TBC1D30: variants seen among roughly 807,000 people sequenced by gnomAD.
TBC1D30 encodes TBC1 domain family, member 30.
Under a neutral mutation model 63.2 loss-of-function variants are expected in TBC1D30, and 31 were observed. The ratio of observed to expected loss-of-function variants is 0.49; its 90% confidence interval spans 0.37 to 0.66. TBC1D30 has a LOEUF of 0.66. TBC1D30 is among the 30% of genes least tolerant of loss of function. TBC1D30 has a pLI of 0.00. For synonymous variants in TBC1D30, 307 were observed against 361.5 expected (o/e 0.85, Z 1.71); for missense variants, 810 against 953.6 (o/e 0.85, Z 1.98).
At chr12:64,774,513 A>C (rs1265757748) in intron 1 of TBC1D30, among the ~76,000 whole-genome samples, 2 of 152,218 alleles carry the variant, frequency 1.3e-5, no homozygotes, top group Non-Finnish European at 2.9e-5. Context: ...GGTCAAAATG[A>C]AAGAAAAAAT....
chr12:64,787,770 T>C (rs1871680313), intron 2 of TBC1D30, among the ~76,000 whole-genome samples: 1 of 152,246 alleles, frequency 6.6e-6, no homozygotes, highest in Non-Finnish European at 1.5e-5. Context: ...GCATGGCGGC[T>C]CACGCCTATA....
rs1200943027 is a variant in TBC1D30 at position 64,866,881 on chromosome 12, G to C, written c.1269G>C (p.Gln423His). 6.5e-7 allele frequency: 1 copy of C among 1,536,094 alleles called. No individual in the cohort carries two copies. The highest frequency in any genetic ancestry group is 8.7e-7 in the Non-Finnish European group (1 of 1,146,904). The change falls in exon 10 of 12, where the codon CAG (glutamine) becomes CAC (histidine). Residue 423 changes from glutamine to histidine, a missense_variant. Transcript: ENST00000539867. Reference sequence around the variant, plus strand: ...GTGGGTTCCTGGCTCCTGAACTGCAGAAGTACCAAAAACAAATTAAAGGTA... The same window carrying C: ...GTGGGTTCCTGGCTCCTGAACTGCACAAGTACCAAAAACAAATTAAAGGTA... ...PFSGFLAPEL[Q>H]KYQKQIKEPN...
chr12:64,773,033 T>C (rs902786890), intron 1 of TBC1D30, among the ~76,000 whole-genome samples: 2 of 152,230 alleles, frequency 1.3e-5, no homozygotes, highest in Non-Finnish European at 2.9e-5. Flanking sequence ...CACTGTCTAC[T>C]GTGTATTAAT....
chr12:64,763,486 C>T (rs1870592989), intron 1 of TBC1D30, among the ~76,000 whole-genome samples: 1 of 152,082 alleles, frequency 6.6e-6, no homozygotes, highest in African/African-American at 2.4e-5. Context: ...TTCTCTTCCT[C>T]TTAATGAATT....
chr12:64,863,718 T>G (rs943647823), intron 8 of TBC1D30, among the ~76,000 whole-genome samples: 1 of 152,218 alleles, frequency 6.6e-6, no homozygotes, highest in Non-Finnish European at 1.5e-5. Flanking sequence ...TGAAGAAGCA[T>G]CACAATCAAA....
At chr12:64,768,756 A>G (rs1170861692) in intron 1 of TBC1D30, among the ~76,000 whole-genome samples, 4 of 152,240 alleles carry the variant, frequency 2.6e-5, no homozygotes, top group East Asian at 3.8e-4. Flanking sequence ...TTTTGATAAC[A>G]TTAATTTTGA....
At chr12:64,861,190 T>G (rs1408506852) in intron 8 of TBC1D30, among the ~76,000 whole-genome samples, 1 of 152,262 alleles carries the variant, frequency 6.6e-6, no homozygotes, top group Non-Finnish European at 1.5e-5. Context: ...CCTAATTTTG[T>G]GCAACTCATG....
intron 5 of TBC1D30, 109 bp downstream of exon 5, chr12:64,832,413 A>T: frequency 8.9e-7 from 1 of 1,124,136 alleles, no homozygotes; most frequent in South Asian, 1.6e-5. Context: ...TGTTTGCCAC[A>T]CCTTTGTAAT....
chr12:64,849,470 A>G (rs1592634387), intron 8 of TBC1D30, among the ~76,000 whole-genome samples: 1 of 152,240 alleles, frequency 6.6e-6, no homozygotes, highest in South Asian at 2.1e-4. Flanking sequence ...TAAGGAAGGA[A>G]TCCAGTTTGT....
chr12:64,825,157 C>T (rs1194662236), intron 1 of TBC1D30, 124 bp downstream of exon 1: 10 of 1,339,992 alleles, frequency 7.5e-6, no homozygotes, highest in South Asian at 6.3e-5. Flanking sequence ...CCACCTGGTG[C>T]GGGGCACCGC....
intron 2 of TBC1D30, among the ~76,000 whole-genome samples, chr12:64,798,980 T>G (rs1280008563): frequency 2.6e-5 from 4 of 151,788 alleles, no homozygotes; most frequent in Non-Finnish European, 5.9e-5. Flanking sequence ...GCCCAGCTAA[T>G]TTTTTGTATT....
intron 2 of TBC1D30, among the ~76,000 whole-genome samples, chr12:64,799,743 C>T (rs1206489816): frequency 6.6e-6 from 1 of 152,122 alleles, no homozygotes; most frequent in Non-Finnish European, 1.5e-5. Context: ...GTACAAAGGG[C>T]AATAGGAGCA....
At position 64,875,211 on chromosome 12, in the gene TBC1D30, G is replaced by A. The variant is rs553511083; in HGVS notation, c.1709G>A (p.Arg570Gln). 9.2e-5 allele frequency: 141 copies of A among 1,536,318 alleles called. 2 individuals are homozygous for A. In the African/African-American group the frequency reaches 1.4e-3, roughly 15 times the overall value. Residue 570 changes from arginine (R) to glutamine (Q), a missense_variant, in exon 12 of 12, where the codon CGA becomes CAA. By Grantham distance (43) the Arg-to-Gln change is conservative. This residue lies in a region of TBC1D30 where 450 missense variants were observed against 473.0 expected (regional missense o/e 0.95). Coordinates refer to ENST00000539867, the MANE Select transcript of TBC1D30 (RefSeq NM_015279.2). ...KLNSPWRTHI[R>Q]VHKKNMPRTK... ...AACTCCCCGTGGCGAACTCACATCC[G>A]AGTCCACAAAAAGAACATGCCAAGG... is the stretch of plus-strand genomic sequence containing the variant.
intron 1 of TBC1D30, 29 bp downstream of exon 1, chr12:64,825,062 G>T: frequency 2.0e-6 from 3 of 1,518,212 alleles, no homozygotes; most frequent in East Asian, 2.5e-5. Flanking sequence ...CAGATGGGGC[G>T]CTGTAAAGTA....
Position 64,878,843 on chromosome 12 carries a change from A to C in TBC1D30, c.*3055A>C. 4.3e-6 allele frequency: 1 copy of C among 232,028 alleles called. No individual in the cohort carries two copies. Among genetic ancestry groups the C allele is most frequent in the Non-Finnish European group, 8.8e-6 (1 of 113,924 alleles). The allele number at this position is 232,028 out of a possible 1,614,324, so 14.4% of individuals were successfully genotyped here. On this transcript the variant is annotated 3_prime_UTR_variant, in exon 12 of 12. Transcript: ENST00000539867. ...GCATTTGCAGACTCGCTGGTTCCTG[A>C]ATATGAGTAAGCACAGAGTTTACCT...
In TBC1D30 at chr12:64,856,608, T is replaced by C. The variant is rs139287779; in HGVS notation, c.1039-8060T>C. ...CAAACACCCCTGTGGCCACTACCAC[T>C]GGGACTGTGTTGGGTCAGACCTGAA... On this transcript the variant is annotated intron_variant, in intron 8 of 11. Coordinates refer to ENST00000539867, the MANE Select transcript of TBC1D30 (RefSeq NM_015279.2). 3.7e-3 allele frequency among the ~76,000 whole-genome samples: 558 copies of C among 152,270 alleles called. 3 individuals carry two copies. Among genetic ancestry groups the C allele is most frequent in the Non-Finnish European group, 6.2e-3 (423 of 67,990 alleles).
intron 2 of TBC1D30, among the ~76,000 whole-genome samples, chr12:64,804,975 C>T (rs1872780147): frequency 2.6e-5 from 4 of 151,934 alleles, no homozygotes; most frequent in South Asian, 2.1e-4. Flanking sequence ...CTGAGGCGGG[C>T]GGATCACCTG....
chr12:64,830,600 G>T (rs1275848474), intron 4 of TBC1D30, 98 bp downstream of exon 4: 17 of 1,131,462 alleles, frequency 1.5e-5, no homozygotes, highest in Non-Finnish European at 1.9e-5. Flanking sequence ...TCTACCTTCT[G>T]GTTTGAATGT....
chr12:64,873,825 A>G (rs1002851959), intron 11 of TBC1D30, among the ~76,000 whole-genome samples: 7 of 152,198 alleles, frequency 4.6e-5, no homozygotes, highest in Admixed American at 1.3e-4. Flanking sequence ...ACAGTTATCA[A>G]CATTTTTAGT....
Sources: gnomAD v4.1 joint callset for allele counts (sites outside exome capture counted in the v4.1 genomes callset) on GRCh38, gnomAD v4.1.1 for gene constraint, gnomAD v4.1.1 regional missense constraint, MANE v1.5 for transcripts, NCBI Gene and HGNC (gene_info 2026-07-23, HGNC 2026-07-21) for gene names.